Variants in AFAP1L2 observed in about 807,000 individuals in gnomAD.
AFAP1L2 encodes actin filament-associated protein 1-like 2.
A neutral mutation model predicts 99.3 loss-of-function variants in AFAP1L2; 46 were observed. That is an observed-to-expected ratio of 0.46 (90% CI 0.37 to 0.59). The LOEUF is 0.59. AFAP1L2 is among the 20% of genes least tolerant of loss of function. The probability of loss-of-function intolerance (pLI) is 0.00; values close to 1 mark genes in which losing one functional copy is unlikely to be tolerated. For synonymous variants in AFAP1L2, 397 were observed against 419.1 expected, an observed-to-expected ratio of 0.95 and a Z score of 0.64; for missense variants, 959 against 1,034.9, an observed-to-expected ratio of 0.93 and a Z score of 1.01.
At chr10:114,325,325 C>T (rs1297638369) in intron 4 of AFAP1L2, among the ~76,000 whole-genome samples, 6 of 152,306 alleles carry the variant, frequency 3.9e-5, no homozygotes, top group Non-Finnish European at 7.4e-5. Context: ...CTGCAGGTTG[C>T]GCAGTGAGGG....
the AFAP1L2 span, chr10:114,282,663 T>C: frequency 2.5e-6 from 3 of 1,177,774 alleles, no homozygotes; most frequent in African/African-American, 3.0e-5. Context: ...GGACAGAGGG[T>C]GGGGTTGTGA....
chr10:114,384,484 A>G (rs1175708447), intron 1 of AFAP1L2, among the ~76,000 whole-genome samples: 1 of 152,192 alleles, frequency 6.6e-6, no homozygotes, highest in Admixed American at 6.5e-5. Context: ...TTGCCAGCAA[A>G]TGAGAGACAG....
chr10:114,297,547 A>G, intron 16 of AFAP1L2, 134 bp from the exon 17 acceptor site: 1 of 959,002 alleles, frequency 1.0e-6, no homozygotes, highest in East Asian at 2.6e-5. Flanking sequence ...ACTCAGAGCC[A>G]GGAGGGGCCT....
rs566972172 is a variant in AFAP1L2, at chr10:114,310,081, C to A, written c.882+273G>T. Among the ~76,000 whole-genome samples the A allele has an allele frequency of 2.0e-5, 3 of 152,214 alleles. No individual in the cohort carries two copies. The East Asian group carries it at 5.8e-4, about 29-fold the overall frequency. On this transcript the variant is annotated intron_variant, in intron 8 of 18. Transcript: ENST00000304129. ...TAGCTGGGATTACAGGCGCCCACCA[C>A]CACGCCTGGCTATTTTTGTATTTTT...
chr10:114,300,925 G>A (rs988187859), intron 13 of AFAP1L2, among the ~76,000 whole-genome samples: 1 of 152,166 alleles, frequency 6.6e-6, no homozygotes, highest in Non-Finnish European at 1.5e-5. Flanking sequence ...GAGGAAAAGA[G>A]CAGCATCTTC....
intron 1 of AFAP1L2, among the ~76,000 whole-genome samples, chr10:114,370,664 C>T (rs1336866018): frequency 2.0e-5 from 3 of 152,198 alleles, no homozygotes; most frequent in Middle Eastern, 3.2e-3. Flanking sequence ...AACTGTAAGA[C>T]TGTTTTGGGG....
intron 1 of AFAP1L2, among the ~76,000 whole-genome samples, chr10:114,397,204 T>C (rs945260765): frequency 1.8e-4 from 28 of 152,328 alleles, no homozygotes; most frequent in African/African-American, 6.5e-4. Flanking sequence ...AAAATGAAGA[T>C]ACTGAACATC....
intron 5 of AFAP1L2, among the ~76,000 whole-genome samples, chr10:114,320,917 T>C (rs553429786): frequency 6.6e-6 from 1 of 152,304 alleles, no homozygotes; most frequent in South Asian, 2.1e-4. Context: ...ACAGCCCGAC[T>C]GGTGAGCTGG....
intron 8 of AFAP1L2, among the ~76,000 whole-genome samples, chr10:114,309,795 C>T (rs974788581): frequency 5.9e-5 from 9 of 152,188 alleles, no homozygotes; most frequent in Non-Finnish European, 1.0e-4. Context: ...TCCAATAAAG[C>T]TTCCCCCTGT....
Position 114,379,039 on chromosome 10 carries a change from C to T in AFAP1L2, c.16+25401G>A, listed in dbSNP as rs1399079056. Among the ~76,000 whole-genome samples, 9 of 143,848 alleles carry T rather than the reference C, an allele frequency of 6.3e-5. No homozygotes were observed. The East Asian group carries it at 1.7e-3, about 27-fold the overall frequency. 94.4% of individuals were successfully genotyped at this position (143,848 alleles called of 152,430 possible). A position where few individuals can be genotyped will look rare whatever the true frequency, so the allele number is the denominator to read the frequency against. On this transcript the variant is annotated intron_variant, in intron 1 of 18. Transcript: ENST00000304129. The stretch of plus-strand genomic sequence containing the variant: ...CAACTTGGCCAATATGGTGAAACCC[C>T]GTCCCTACTAAAAATACAAAAAAAT...
intron 10 of AFAP1L2, 82 bp downstream of exon 10, chr10:114,307,723 C>T: frequency 8.5e-7 from 1 of 1,182,442 alleles, no homozygotes; most frequent in Admixed American, 1.8e-5. Flanking sequence ...AAACCCCCTG[C>T]CTTCGCTGTC....
At chr10:114,404,952 TCGCGCTTGGCTCCCGAGCCAG>T (rs2058579088), upstream of AFAP1L2, among the ~76,000 whole-genome samples, 2 of 152,162 alleles carry the variant, frequency 1.3e-5, no homozygotes, top group African/African-American at 4.8e-5. Context: ...TTAGAGCTCC[TCGCGCTTGGCTCCCGAGCCAG>T]CGCGCTTTTG....
intron 1 of AFAP1L2, among the ~76,000 whole-genome samples, chr10:114,369,585 A>G (rs1168613902): frequency 7.6e-6 from 1 of 132,422 alleles, no homozygotes; most frequent in African/African-American, 3.1e-5. Context: ...ACAGAGCGAG[A>G]CTCCGACTCA....
chr10:114,321,864 C>T lies in AFAP1L2; in HGVS notation c.406+1307G>A, dbSNP rs554049201. Reference sequence around the variant, plus strand: ...TTAGCATGAGCCCTGCCTACAGAGCCGCTCACACAGTGTCCAGGGCGATCT... The same window carrying T: ...TTAGCATGAGCCCTGCCTACAGAGCTGCTCACACAGTGTCCAGGGCGATCT... On this transcript the variant is annotated intron_variant, in intron 5 of 18. Transcript: ENST00000304129. 1.1e-4 allele frequency among the ~76,000 whole-genome samples: 17 copies of T among 152,308 alleles called. No homozygotes were observed. In the East Asian group the frequency reaches 1.5e-3, roughly 14 times the overall value.
chr10:114,305,755 C>G (rs1198340149), intron 10 of AFAP1L2, among the ~76,000 whole-genome samples: 26 of 44,120 alleles, frequency 5.9e-4, no homozygotes, highest in Admixed American at 1.5e-3. Context: ...AGGGGGTGCA[C>G]GTACAGGACT....
intron 1 of AFAP1L2, among the ~76,000 whole-genome samples, chr10:114,403,865 G>A (rs376415347): frequency 2.0e-5 from 3 of 152,322 alleles, no homozygotes; most frequent in Non-Finnish European, 2.9e-5. Flanking sequence ...CTCCTTTCTT[G>A]GTGTGGGGGA....
intron 1 of AFAP1L2, among the ~76,000 whole-genome samples, chr10:114,341,441 C>A (rs1197746292): frequency 6.6e-6 from 1 of 151,926 alleles, no homozygotes; most frequent in Non-Finnish European, 1.5e-5. Context: ...GTGAAACCCC[C>A]GTCTCTACTA....
At chr10:114,349,627 C>T (rs908055996) in intron 1 of AFAP1L2, among the ~76,000 whole-genome samples, 11 of 150,098 alleles carry the variant, frequency 7.3e-5, no homozygotes, top group African/African-American at 2.7e-4. Context: ...TATATGTTTA[C>T]ATATCACTGT....
intron 5 of AFAP1L2, among the ~76,000 whole-genome samples, chr10:114,319,128 T>TG (rs1256631950): frequency 3.3e-5 from 5 of 152,304 alleles, no homozygotes; most frequent in Admixed American, 3.3e-4. Context: ...CACTTCAGCC[T>TG]GGGTGACAGA....
Sources: allele counts gnomAD v4.1 joint callset (sites outside exome capture counted in the v4.1 genomes callset), GRCh38; gene constraint gnomAD v4.1.1; transcripts MANE v1.5; gene names NCBI Gene and HGNC (gene_info 2026-07-23, HGNC 2026-07-21).